PPP2R2B: variants seen among roughly 807,000 people sequenced by gnomAD.
The protein encoded by PPP2R2B is serine/threonine-protein phosphatase 2A 55 kDa regulatory subunit B beta isoform.
PPP2R2B carries 5 observed loss-of-function variants against 46.0 expected under a neutral mutation model. The observed-to-expected ratio is 0.11, with a 90% CI of 0.06 to 0.23. The LOEUF (loss-of-function observed/expected upper bound fraction) is 0.23, where lower values mean the gene tolerates loss of function less well. Ranked by LOEUF, PPP2R2B falls within the 10% of genes least tolerant of loss-of-function variation. PPP2R2B has a pLI of 1.00. For missense variants in PPP2R2B, 367 were observed against 575.0 expected, an observed-to-expected ratio of 0.64 and a Z score of 3.70; for synonymous variants, 215 against 206.7, an observed-to-expected ratio of 1.04 and a Z score of -0.34.
intron 2 of PPP2R2B, among the ~76,000 whole-genome samples, chr5:146,841,769 C>T (rs917577415): frequency 3.9e-5 from 6 of 152,100 alleles, no homozygotes; most frequent in Non-Finnish European, 7.4e-5. Flanking sequence ...ACAATACACA[C>T]CAGGGCCTGT....
upstream of PPP2R2B, chr5:147,081,454 T>G: frequency 1.6e-6 from 1 of 642,162 alleles, no homozygotes; most frequent in South Asian, 1.9e-5. Context: ...GGACTTGCAG[T>G]CATCCCCTGT....
At chr5:146,891,013 T>C (rs569597434) in intron 1 of PPP2R2B, among the ~76,000 whole-genome samples, 57 of 152,160 alleles carry the variant, frequency 3.7e-4, no homozygotes, top group African/African-American at 1.4e-3. Context: ...AGGTACACAG[T>C]TGAGTGCAAG....
chr5:146,674,460 A>C (rs775950115), intron 5 of PPP2R2B, among the ~76,000 whole-genome samples: 14 of 152,260 alleles, frequency 9.2e-5, no homozygotes, highest in Middle Eastern at 3.4e-3. Context: ...TGAACAAACA[A>C]TTATTCTGTT....
intron 2 of PPP2R2B, among the ~76,000 whole-genome samples, chr5:146,780,134 T>C (rs1755422094): frequency 6.6e-6 from 1 of 152,148 alleles, no homozygotes; most frequent in African/African-American, 2.4e-5. Context: ...TTGGACCTAT[T>C]ATGTGGCCAA....
intron 1 of PPP2R2B, among the ~76,000 whole-genome samples, chr5:146,968,769 G>A (rs1325052435): frequency 3.9e-5 from 6 of 152,120 alleles, no homozygotes; most frequent in Admixed American, 1.3e-4. Context: ...TAAGACCATC[G>A]TGGCCAATTT....
intron 2 of PPP2R2B, among the ~76,000 whole-genome samples, chr5:146,726,267 G>T (rs1383891574): frequency 6.6e-6 from 1 of 151,674 alleles, no homozygotes; most frequent in Non-Finnish European, 1.5e-5. Context: ...TAGGATTTTG[G>T]CCAATTTAAG....
At chr5:146,655,088 C>A (rs1325628070) in intron 5 of PPP2R2B, among the ~76,000 whole-genome samples, 1 of 152,128 alleles carries the variant, frequency 6.6e-6, no homozygotes, top group Non-Finnish European at 1.5e-5. Flanking sequence ...CTGTGTTGAG[C>A]AGCTGGAATT....
chr5:147,055,837 T>G (rs1757064124), exon 1 of PPP2R2B: 19 of 1,514,364 alleles, frequency 1.3e-5, no homozygotes, highest in Non-Finnish European at 1.6e-5. Flanking sequence ...ATCACCAATA[T>G]GTTTATGTAG....
intron 2 of PPP2R2B, among the ~76,000 whole-genome samples, chr5:146,745,455 G>A (rs771953411): frequency 2.8e-4 from 42 of 152,310 alleles, no homozygotes; most frequent in Middle Eastern, 3.4e-3. Flanking sequence ...TCAGCATTTT[G>A]TCAGCTGTTA....
chr5:146,682,158 G>C (rs1274276091), intron 5 of PPP2R2B, among the ~76,000 whole-genome samples: 1 of 152,126 alleles, frequency 6.6e-6, no homozygotes, highest in Non-Finnish European at 1.5e-5. Flanking sequence ...CATAACAAAG[G>C]TACCTTTGGG....
At position 146,818,540 on chromosome 5, in the gene PPP2R2B, C is replaced by T. The variant is rs149700883; in HGVS notation, c.70+59462G>A. 1.0e-3 allele frequency among the ~76,000 whole-genome samples: 153 copies of T among 152,302 alleles called. No individual in the cohort carries two copies. In the East Asian group the frequency reaches 0.017, roughly 17 times the overall value. ...AAACATATTGAAGAAACATCACCAA[C>T]ATTCACCCCATTGTTCCGAGGGAAC... is the stretch of plus-strand genomic sequence containing the variant. On this transcript the variant is annotated intron_variant, in intron 2 of 9. Transcript: ENST00000394411.
At chr5:147,013,954 C>CA (rs1754866324) in intron 1 of PPP2R2B, among the ~76,000 whole-genome samples, 2 of 146,902 alleles carry the variant, frequency 1.4e-5, no homozygotes, top group African/African-American at 5.0e-5. Context: ...AGGCAACCTA[C>CA]AAAATGGGAG....
At chr5:146,877,929 G>A in intron 2 of PPP2R2B, 73 bp downstream of exon 2, 1 of 1,529,950 alleles carries the variant, frequency 6.5e-7, no homozygotes, top group Non-Finnish European at 8.9e-7. Flanking sequence ...TACGCGCCCA[G>A]CTGCCCAGGA....
At chr5:147,024,718 C>T (rs1755448682) in intron 1 of PPP2R2B, among the ~76,000 whole-genome samples, 1 of 151,932 alleles carries the variant, frequency 6.6e-6, no homozygotes, top group Admixed American at 6.6e-5. Flanking sequence ...TCTAAATAAC[C>T]CAGTGGCTCA....
At chr5:146,691,023 C>T in intron 5 of PPP2R2B, 105 bp downstream of exon 5, 1 of 915,932 alleles carries the variant, frequency 1.1e-6, no homozygotes, top group Non-Finnish European at 1.7e-6. Flanking sequence ...CCTACGTTCC[C>T]TCACTGGCCC....
intron 2 of PPP2R2B, among the ~76,000 whole-genome samples, chr5:146,798,897 T>C (rs1384674217): frequency 6.6e-6 from 1 of 152,220 alleles, no homozygotes; most frequent in Non-Finnish European, 1.5e-5. Flanking sequence ...GCCACTTCAC[T>C]TCTGTCTTCT....
At chr5:146,686,991 G>C (rs1778543857) in intron 5 of PPP2R2B, among the ~76,000 whole-genome samples, 1 of 151,620 alleles carries the variant, frequency 6.6e-6, no homozygotes, top group Non-Finnish European at 1.5e-5. Flanking sequence ...GCTGAGGTCA[G>C]AGATCTGGAA....
At chr5:146,789,741 A>G (rs1405118581) in intron 2 of PPP2R2B, among the ~76,000 whole-genome samples, 1 of 152,122 alleles carries the variant, frequency 6.6e-6, no homozygotes, top group African/African-American at 2.4e-5. Context: ...GATTGGATTT[A>G]ATATTAAATA....
At chr5:146,600,572 G>T in intron 7 of PPP2R2B, 112 bp from the exon 8 acceptor site, 1 of 1,022,426 alleles carries the variant, frequency 9.8e-7, no homozygotes, top group Non-Finnish European at 1.4e-6. Context: ...AAGTAGGGCT[G>T]GTGTCTGCAG....
Sources: gnomAD v4.1 joint callset for allele counts (sites outside exome capture counted in the v4.1 genomes callset) on GRCh38, gnomAD v4.1.1 for gene constraint, MANE v1.5 for transcripts, NCBI Gene and HGNC (gene_info 2026-07-23, HGNC 2026-07-21) for gene names.